The following TUT4 variants were observed in gnomAD, a reference collection of about 807,000 sequenced individuals.
The protein encoded by TUT4 is terminal uridylyltransferase 4.
In TUT4, 36 loss-of-function variants were observed where a neutral mutation model predicts 192.2. That is an observed-to-expected ratio of 0.19 (90% CI 0.14 to 0.25). TUT4 has a LOEUF of 0.25. Among genes scored for constraint, TUT4 ranks in the 10% least tolerant of loss-of-function variants. TUT4 has a pLI of 1.00. For missense variants in TUT4, 1,493 were observed against 1,957.2 expected, an observed-to-expected ratio of 0.76 and a Z score of 4.47; for synonymous variants, 618 against 666.0, an observed-to-expected ratio of 0.93 and a Z score of 1.11.
intron 2 of TUT4, among the ~76,000 whole-genome samples, chr1:52,522,740 A>G (rs1419977405): frequency 6.6e-6 from 1 of 152,104 alleles, no homozygotes; most frequent in Non-Finnish European, 1.5e-5. Context: ...AGCCTGGCCA[A>G]CATGGCGAAA....
intron 20 of TUT4, among the ~76,000 whole-genome samples, chr1:52,457,032 C>T (rs1400189495): frequency 1.3e-5 from 2 of 152,032 alleles, no homozygotes; most frequent in East Asian, 1.9e-4. Flanking sequence ...TGAAAAAATA[C>T]TTTAAACACA....
At chr1:52,530,143 C>CT (rs1156895265) in intron 1 of TUT4, among the ~76,000 whole-genome samples, 2 of 151,228 alleles carry the variant, frequency 1.3e-5, no homozygotes, top group Non-Finnish European at 2.9e-5. Context: ...GCGTCAGCTA[C>CT]TTTGAGTAAT....
rs1224187487 is a variant in TUT4, at chr1:52,526,383, T to TAA, written c.-93-12_-93-11dup. The TAA allele has an allele frequency of 9.5e-7, 1 of 1,056,284 alleles. No individual in the cohort carries two copies. 65.4% of individuals were successfully genotyped at this position (1,056,284 alleles called of 1,614,324 possible). On this transcript the variant is annotated splice_polypyrimidine_tract_variant and intron_variant, in intron 1 of 29. Transcript: ENST00000257177. ...AGTTTAGGCAAGCAAACTATTGGGT[T>TAA]AAAAAAAAGAGAAAAATCTGTTATT...
At chr1:52,438,367 A>G in intron 24 of TUT4, 32 bp from the exon 25 acceptor site, 1 of 1,506,890 alleles carries the variant, frequency 6.6e-7, no homozygotes, top group Non-Finnish European at 9.1e-7. Flanking sequence ...ACTAGGAGGA[A>G]TCACTATAAA....
intron 2 of TUT4, among the ~76,000 whole-genome samples, chr1:52,520,355 C>T (rs762456791): frequency 1.3e-5 from 2 of 152,150 alleles, no homozygotes; most frequent in Non-Finnish European, 2.9e-5. Flanking sequence ...GATCATTCTG[C>T]TTACTATACT....
intron 27 of TUT4, chr1:52,432,139 G>A (rs1465423634): frequency 2.6e-5 from 4 of 152,146 alleles, no homozygotes; most frequent in African/African-American, 9.7e-5. Flanking sequence ...GTAGACTCAC[G>A]CAGTTCAAAC....
intron 1 of TUT4, among the ~76,000 whole-genome samples, chr1:52,537,184 A>T (rs2149594353): frequency 6.6e-6 from 1 of 152,238 alleles, no homozygotes; most frequent in South Asian, 2.1e-4. Context: ...AATAAATAAA[A>T]ATTAAAAAAA....
intron 24 of TUT4, among the ~76,000 whole-genome samples, chr1:52,440,560 C>G (rs1353782039): frequency 6.6e-6 from 1 of 151,820 alleles, no homozygotes; most frequent in Admixed American, 6.6e-5. Flanking sequence ...TTAATTCACC[C>G]AAGATGCTTA....
chr1:52,464,139 G>T (rs914636605), intron 16 of TUT4, among the ~76,000 whole-genome samples: 1 of 152,138 alleles, frequency 6.6e-6, no homozygotes, highest in Non-Finnish European at 1.5e-5. Flanking sequence ...GAAGGTGGTT[G>T]TAAGAATGAA....
At chr1:52,428,739 CGAGA>C (rs1650918341) in intron 28 of TUT4, among the ~76,000 whole-genome samples, 3 of 151,468 alleles carry the variant, frequency 2.0e-5, no homozygotes, top group African/African-American at 7.3e-5. Context: ...TGCAGTGAGC[CGAGA>C]TTGTTCCACT....
At chr1:52,463,852 G>A in intron 16 of TUT4, 2 of 1,205,892 alleles carry the variant, frequency 1.7e-6, no homozygotes, top group Non-Finnish European at 2.2e-6. Flanking sequence ...TCTGCTCCTG[G>A]CATCTCACGG....
chr1:52,447,556 G>A (rs776275108), intron 20 of TUT4, among the ~76,000 whole-genome samples: 16 of 151,126 alleles, frequency 1.1e-4, no homozygotes, highest in South Asian at 6.3e-4. Flanking sequence ...ATAATAATCC[G>A]CTGTCCTAAG....
chr1:52,541,669 G>A (rs947920138), intron 1 of TUT4, among the ~76,000 whole-genome samples: 4 of 151,508 alleles, frequency 2.6e-5, no homozygotes, highest in Non-Finnish European at 5.9e-5. Flanking sequence ...CATAATCTTG[G>A]ATCAACAATG....
intron 1 of TUT4, among the ~76,000 whole-genome samples, chr1:52,529,513 T>C (rs1476988939): frequency 6.6e-6 from 1 of 152,212 alleles, no homozygotes; most frequent in East Asian, 1.9e-4. Flanking sequence ...AAGATTAGTT[T>C]TACCTTGTCT....
At chr1:52,477,978 A>C in intron 11 of TUT4, 96 bp from the exon 12 acceptor site, 1 of 1,182,322 alleles carries the variant, frequency 8.5e-7, no homozygotes, top group South Asian at 1.8e-5. Flanking sequence ...ACGTTTTCAA[A>C]AACTGAGACA....
chr1:52,468,015 T>G (rs1664709843), intron 15 of TUT4, among the ~76,000 whole-genome samples, 166 bp downstream of exon 15: 1 of 152,154 alleles, frequency 6.6e-6, no homozygotes, highest in African/African-American at 2.4e-5. Context: ...GTCTCCCCAT[T>G]TGAAACATAA....
intron 11 of TUT4, 83 bp from the exon 12 acceptor site, chr1:52,477,965 A>T (rs551816138): frequency 1.5e-6 from 2 of 1,319,516 alleles, no homozygotes; most frequent in Non-Finnish European, 2.0e-6. Flanking sequence ...GACCTTGGAG[A>T]TCACGTTTTC....
chr1:52,469,884 C>CA (rs1665230850), intron 14 of TUT4, among the ~76,000 whole-genome samples: 1 of 123,318 alleles, frequency 8.1e-6, no homozygotes, highest in Admixed American at 9.3e-5. Flanking sequence ...GAGCGAGACT[C>CA]AGTCTCCAAA....
intron 7 of TUT4, among the ~76,000 whole-genome samples, chr1:52,492,102 G>A (rs1161253489): frequency 1.3e-5 from 2 of 152,136 alleles, no homozygotes; most frequent in Non-Finnish European, 1.5e-5. Flanking sequence ...GTCTGAAGAG[G>A]TAAATGCTAT....
Sources: allele counts gnomAD v4.1 joint callset (sites outside exome capture counted in the v4.1 genomes callset), GRCh38; gene constraint gnomAD v4.1.1; transcripts MANE v1.5; gene names NCBI Gene and HGNC (gene_info 2026-07-23, HGNC 2026-07-21).